The following PCGF6 variants were observed in gnomAD, a reference collection of about 807,000 sequenced individuals.
PCGF6 encodes the protein polycomb group RING finger protein 6.
In PCGF6, 24 loss-of-function variants were observed where a neutral mutation model predicts 45.5. That is an observed-to-expected ratio of 0.53 (90% CI 0.38 to 0.74). The LOEUF is 0.74. Among genes scored for constraint, PCGF6 ranks in the 30% least tolerant of loss-of-function variants. The pLI, the probability that PCGF6 is intolerant of heterozygous loss-of-function variation, is 0.00. For missense variants in PCGF6, 356 were observed against 443.2 expected (o/e 0.80, Z 1.77); for synonymous variants, 152 against 162.1 (o/e 0.94, Z 0.47).
intron 9 of PCGF6, among the ~76,000 whole-genome samples, chr10:103,310,875 G>A (rs1328559863): frequency 6.6e-6 from 1 of 152,090 alleles, no homozygotes; most frequent in Middle Eastern, 3.4e-3. Flanking sequence ...GTTAATTTTT[G>A]TATTTCGTAG....
intron 8 of PCGF6, among the ~76,000 whole-genome samples, 194 bp from the exon 9 acceptor site, chr10:103,314,466 A>T (rs2093167803): frequency 1.3e-5 from 2 of 152,230 alleles, no homozygotes; most frequent in Non-Finnish European, 2.9e-5. Context: ...GAAGAGCATT[A>T]GAGGATACAG....
chr10:103,341,833 C>T (rs952167550), intron 6 of PCGF6, among the ~76,000 whole-genome samples: 4 of 152,108 alleles, frequency 2.6e-5, no homozygotes, highest in Admixed American at 2.6e-4. Flanking sequence ...AAACAAAAGT[C>T]ACATTGTCAC....
chr10:103,350,686 T>G, intron 1 of PCGF6, 21 bp downstream of exon 1: 5 of 1,430,490 alleles, frequency 3.5e-6, no homozygotes, highest in East Asian at 2.7e-5. Flanking sequence ...CCCAGCGGGG[T>G]CGCGCGGGGG....
Position 103,350,965 on chromosome 10 carries a change from G to A in PCGF6, c.102C>T (p.Leu34=). ...CCTCACCCGCTGCGGGTGCAGGGGT[G>A]AGGGCGGGCGGGGAGACAGGAGGCG... ...PPPPPVSPPA[L]TPAPAAGEEG... Residue 34 remains leucine, a synonymous_variant, in exon 1 of 10, where the codon CTC becomes CTT. Coordinates refer to ENST00000369847, the MANE Select transcript of PCGF6 (RefSeq NM_001011663.2). The A allele has an allele frequency of 6.9e-7, 1 of 1,443,686 alleles. No individual in the cohort carries two copies. Among genetic ancestry groups the A allele is most frequent in the Non-Finnish European group, 9.1e-7 (1 of 1,101,932 alleles). The allele number at this position is 1,443,686 out of a possible 1,614,324, so 89.4% of individuals were successfully genotyped here.
At chr10:103,329,020 C>T (rs1259057559) in intron 7 of PCGF6, among the ~76,000 whole-genome samples, 1 of 150,344 alleles carries the variant, frequency 6.7e-6, no homozygotes, top group African/African-American at 2.5e-5. Flanking sequence ...GCTGGGATTA[C>T]AGGCGTGAGC....
At position 103,326,641 on chromosome 10, in the gene PCGF6, A is replaced by T. The variant is rs2093219928; in HGVS notation, c.811-9T>A. The stretch of plus-strand genomic sequence containing the variant: ...AACTTCTTTTCCAATGGCTACAAAA[A>T]CAGACAGATAAAACTATTTTTAGGT... On this transcript the variant is annotated splice_polypyrimidine_tract_variant and intron_variant, in intron 7 of 9. Transcript: ENST00000369847. 6.2e-7 allele frequency: 1 copy of T among 1,603,496 alleles called. No homozygotes were observed. The highest frequency in any genetic ancestry group is 8.5e-7 in the Non-Finnish European group (1 of 1,174,684).
chr10:103,340,557 T>G (rs1307808851), intron 6 of PCGF6, among the ~76,000 whole-genome samples: 1 of 152,048 alleles, frequency 6.6e-6, no homozygotes, highest in African/African-American at 2.4e-5. Flanking sequence ...TGGATCCAAG[T>G]TCCTGCTGTG....
At position 103,326,585 on chromosome 10, in the gene PCGF6, T is replaced by G. The variant is rs753391432; in HGVS notation, c.858A>C (p.Gly286=). 3 of 1,612,732 alleles carry G rather than the reference T, an allele frequency of 1.9e-6. No homozygotes were observed. The South Asian group carries it at 3.3e-5, about 18-fold the overall frequency. The change falls in exon 8 of 10, where the codon GGA becomes GGC. Residue 286 remains glycine, a synonymous_variant. Coordinates refer to ENST00000369847, the MANE Select transcript of PCGF6 (RefSeq NM_001011663.2). Reference sequence around the variant, plus strand: ...TTCTTCTGAGGAATTTTTCTACATGTCCAATAGTTGCTTCTCCTGAAACTC... The same window carrying G: ...TTCTTCTGAGGAATTTTTCTACATGGCCAATAGTTGCTTCTCCTGAAACTC... ...FVRVSGEATI[G]HVEKFLRRKM... is the part of the protein sequence containing the mutation.
chr10:103,302,843 A>C lies in PCGF6; in HGVS notation c.*1062T>G, dbSNP rs1319372567. On this transcript the variant is annotated 3_prime_UTR_variant, in exon 10 of 10. Coordinates refer to ENST00000369847, the MANE Select transcript of PCGF6 (RefSeq NM_001011663.2). ...AAATGTTAGAATAAATTTATACACA[A>C]TTCACAAATTCTTTACAAAGAATTG... 2.6e-5 allele frequency: 4 copies of C among 152,172 alleles called. No homozygotes were observed. Among genetic ancestry groups the C allele is most frequent in the Non-Finnish European group, 5.9e-5 (4 of 68,034 alleles). The allele number at this position is 152,172 out of a possible 1,614,324, so 9.4% of individuals were successfully genotyped here. A position where few individuals can be genotyped will look rare whatever the true frequency, so the allele number is the denominator to read the frequency against.
At chr10:103,326,939 G>C (rs751498394) in intron 7 of PCGF6, among the ~76,000 whole-genome samples, 1 of 152,084 alleles carries the variant, frequency 6.6e-6, no homozygotes, top group African/African-American at 2.4e-5. Flanking sequence ...TTCATTTCAA[G>C]TACTGAACTT....
chr10:103,343,470 G>C (rs2093288302), intron 6 of PCGF6, among the ~76,000 whole-genome samples: 1 of 152,000 alleles, frequency 6.6e-6, no homozygotes, highest in Non-Finnish European at 1.5e-5. Flanking sequence ...CCAACTCTGG[G>C]ACCATGACAG....
intron 1 of PCGF6, among the ~76,000 whole-genome samples, chr10:103,349,336 C>T (rs907191205): frequency 1.3e-5 from 2 of 152,070 alleles, no homozygotes; most frequent in Non-Finnish European, 2.9e-5. Context: ...GCATGAGCCA[C>T]CGCGCTCAGT....
chr10:103,336,651 G>C (rs1270538169), intron 6 of PCGF6, among the ~76,000 whole-genome samples: 1 of 152,232 alleles, frequency 6.6e-6, no homozygotes, highest in African/African-American at 2.4e-5. Flanking sequence ...GAGGTAGGTG[G>C]ATCGCTTGAG....
chr10:103,309,992 C>T (rs1223233505), intron 9 of PCGF6, among the ~76,000 whole-genome samples: 16 of 149,856 alleles, frequency 1.1e-4, no homozygotes, highest in African/African-American at 3.7e-4. Context: ...GCTGTTGTTG[C>T]CTAGGCTGGA....
At chr10:103,341,739 C>T (rs1020556466) in intron 6 of PCGF6, among the ~76,000 whole-genome samples, 5 of 151,792 alleles carry the variant, frequency 3.3e-5, no homozygotes, top group African/African-American at 9.7e-5. Flanking sequence ...CCACTGCGCC[C>T]GGCCAACTCT....
chr10:103,345,014 G>A lies in PCGF6; in HGVS notation c.782+10C>T, dbSNP rs762840265. The A allele has an allele frequency of 5.9e-6, 9 of 1,525,830 alleles. No homozygotes were observed. In the South Asian group the frequency reaches 1.1e-4, roughly 18 times the overall value. The allele number at this position is 1,525,830 out of a possible 1,614,324, so 94.5% of individuals were successfully genotyped here. On this transcript the variant is annotated intron_variant, in intron 6 of 9. Transcript: ENST00000369847. ...CTTTAAGTTAAAAGGTAAATTTTTAGGGTACTCACCCAATGAACTCCAGTA... is the reference window on the plus strand; with the variant it reads ...CTTTAAGTTAAAAGGTAAATTTTTAAGGTACTCACCCAATGAACTCCAGTA...
intron 9 of PCGF6, among the ~76,000 whole-genome samples, chr10:103,307,869 A>G (rs879504442): frequency 1.2e-4 from 18 of 152,352 alleles, no homozygotes; most frequent in Non-Finnish European, 1.9e-4. Flanking sequence ...AACTGCATAT[A>G]TATTTGCAGA....
At chr10:103,330,322 G>A (rs866229578) in intron 7 of PCGF6, among the ~76,000 whole-genome samples, 2 of 151,548 alleles carry the variant, frequency 1.3e-5, no homozygotes, top group African/African-American at 2.4e-5. Flanking sequence ...TGATCCTCCC[G>A]TCCTGGTCTC....
At chr10:103,338,291 C>T (rs2093265419) in intron 6 of PCGF6, among the ~76,000 whole-genome samples, 1 of 151,570 alleles carries the variant, frequency 6.6e-6, no homozygotes, top group South Asian at 2.1e-4. Flanking sequence ...TGCCTCTAAT[C>T]CCAGCACTTT....
Sources: gnomAD v4.1 joint callset for allele counts (sites outside exome capture counted in the v4.1 genomes callset) on GRCh38, gnomAD v4.1.1 for gene constraint, MANE v1.5 for transcripts, NCBI Gene and HGNC (gene_info 2026-07-23, HGNC 2026-07-21) for gene names.